RIF1: variants seen among roughly 807,000 people sequenced by gnomAD.
The protein encoded by RIF1 is telomere-associated protein RIF1.
RIF1 carries 45 observed loss-of-function variants against 247.1 expected under a neutral mutation model. The ratio of observed to expected loss-of-function variants is 0.18; its 90% CI spans 0.14 to 0.23. The LOEUF is 0.23. Among genes scored for constraint, RIF1 ranks in the 10% least tolerant of loss-of-function variants. RIF1 has a pLI of 1.00. For synonymous variants in RIF1, 1,087 were observed against 978.8 expected, an observed-to-expected ratio of 1.11 and a Z score of -2.06; for missense variants, 2,967 against 2,862.5, an observed-to-expected ratio of 1.04 and a Z score of -0.83.
chr2:151,465,838 A>G lies in RIF1; in HGVS notation c.6318A>G (p.Glu2106=). Residue 2106 remains glutamate, a synonymous_variant, in exon 30 of 36, where the codon GAA becomes GAG. Transcript: ENST00000444746. ...EKLDNNQMVM[E]SDILQEDHHT... ...TAGATAACAATCAAATGGTAATGGA[A>G]AGTGATATTTTACAGGAAGATCACC... The G allele has an allele frequency of 6.2e-7, 1 of 1,613,276 alleles. No individual in the cohort carries two copies. Among genetic ancestry groups the G allele is most frequent in the Non-Finnish European group, 8.5e-7 (1 of 1,179,192 alleles).
chr2:151,456,469 C>T lies in RIF1; in HGVS notation c.2610-109C>T, dbSNP rs972318679. 7 of 619,342 alleles carry T rather than the reference C, an allele frequency of 1.1e-5. No homozygotes were observed. In the Admixed American group the frequency reaches 1.4e-4, roughly 12 times the overall value. 38.4% of individuals were successfully genotyped at this position (619,342 alleles called of 1,614,324 possible). ...GTCTTTGGGCACCTTTTTATATCAT[C>T]AATTTATATTTATTATGTCTTTATT... On this transcript the variant is annotated intron_variant, in intron 22 of 35. Transcript: ENST00000444746.
At position 151,508,004 on chromosome 2, in the gene RIF1, C is replaced by G. The variant is rs1011425121; in HGVS notation, c.*1303C>G. On this transcript the variant is annotated 3_prime_UTR_variant and NMD_transcript_variant, in exon 14 of 14. Transcript: ENST00000454583. ...GTGCCTTACATTTAATAAAAACTTA[C>G]AAGGCTGAAGTTCTTTTGGTTCTCC... 3.1e-6 allele frequency: 5 copies of G among 1,600,420 alleles called. No individual in the cohort carries two copies. Among genetic ancestry groups the G allele is most frequent in the South Asian group, 1.1e-5 (1 of 88,946 alleles).
chr2:151,462,151 G>A (rs1559009980), intron 27 of RIF1, 91 bp from the exon 28 acceptor site: 1 of 821,856 alleles, frequency 1.2e-6, no homozygotes, highest in Non-Finnish European at 1.8e-6. Flanking sequence ...GGGATTACAG[G>A]CGTGAGCCAC....
the RIF1 span, chr2:151,514,917 C>G: frequency 1.3e-6 from 2 of 1,564,220 alleles, no homozygotes; most frequent in Non-Finnish European, 1.7e-6. Flanking sequence ...CATAATCTTT[C>G]CTATATTCTT....
chr2:151,429,355 A>G (rs1425288953), intron 9 of RIF1, among the ~76,000 whole-genome samples: 1 of 151,922 alleles, frequency 6.6e-6, no homozygotes, highest in Non-Finnish European at 1.5e-5. Context: ...TAATTTGTGC[A>G]TTTTTAGTAG....
chr2:151,444,179 A>G (rs1692833845), intron 18 of RIF1, among the ~76,000 whole-genome samples: 2 of 152,256 alleles, frequency 1.3e-5, no homozygotes, highest in South Asian at 2.1e-4. Flanking sequence ...AAAAGTGGGT[A>G]TAGTGGCAGG....
chr2:151,529,534 AT>A, the RIF1 span, among the ~76,000 whole-genome samples: 5,429 of 144,674 alleles, frequency 0.038, 139 homozygotes, highest in African/African-American at 0.075. Flanking sequence ...TTGCCATATA[AT>A]TTTTTTTTTT....
intron 12 of RIF1, chr2:151,503,505 A>C (rs2066350625): frequency 2.8e-6 from 3 of 1,077,714 alleles, no homozygotes; most frequent in Non-Finnish European, 4.3e-6. Flanking sequence ...GATAGCAGCC[A>C]CATGTGGGCT....
intron 13 of RIF1, 64 bp from the exon 14 acceptor site, chr2:151,438,620 G>T (rs1223904365): frequency 1.3e-5 from 13 of 986,998 alleles, no homozygotes; most frequent in Non-Finnish European, 2.1e-5. Flanking sequence ...AAGGGAGAGT[G>T]TTAGTCATAG....
chr2:151,503,953 T>A (rs1254668724), intron 12 of RIF1, among the ~76,000 whole-genome samples: 1 of 152,204 alleles, frequency 6.6e-6, no homozygotes, highest in Non-Finnish European at 1.5e-5. Flanking sequence ...CTTAATCAGT[T>A]TATTTTTCAG....
At chr2:151,415,702 C>T (rs912921582) in intron 4 of RIF1, among the ~76,000 whole-genome samples, 28 of 151,658 alleles carry the variant, frequency 1.8e-4, no homozygotes, top group African/African-American at 6.5e-4. Context: ...GGAGAAACCC[C>T]GTCTCTACTA....
chr2:151,506,970 G>A lies in RIF1; in HGVS notation c.*1027+595G>A, dbSNP rs34368668. On this transcript the variant is annotated intron_variant and NMD_transcript_variant, in intron 13 of 13. Coordinates refer to the RIF1 transcript ENST00000454583. ...TATTTCTGGCGTGTCTTGAACAACT[G>A]TAATTTTTCCTTTACTGTTTTTAAG... is the stretch of plus-strand genomic sequence containing the variant. The A allele has an allele frequency of 2.1e-3, 3,418 of 1,611,056 alleles. 60 individuals are homozygous for A. In the African/African-American group the frequency reaches 0.038, roughly 18 times the overall value.
intron 2 of RIF1, among the ~76,000 whole-genome samples, chr2:151,410,865 A>AGTT (rs36032930): frequency 0.63 from 95,665 of 151,638 alleles, 30,346 homozygotes; most frequent in South Asian, 0.8. Flanking sequence ...GGCTACCCAG[A>AGTT]GTTTTTTTAA....
intron 20 of RIF1, among the ~76,000 whole-genome samples, chr2:151,448,312 G>A (rs1693675000): frequency 6.6e-6 from 1 of 152,096 alleles, no homozygotes; most frequent in Non-Finnish European, 1.5e-5. Context: ...CCAAAGTGTT[G>A]GGATTACAGG....
chr2:151,469,595 T>C, intron 33 of RIF1, 116 bp from the exon 34 acceptor site: 1 of 727,866 alleles, frequency 1.4e-6, no homozygotes, highest in South Asian at 4.0e-5. Flanking sequence ...GTCTTCACTG[T>C]GGGCTAACCT....
chr2:151,448,646 A>T (rs1329075360), intron 20 of RIF1, among the ~76,000 whole-genome samples: 1 of 152,180 alleles, frequency 6.6e-6, no homozygotes, highest in African/African-American at 2.4e-5. Flanking sequence ...TTTCCAAAGG[A>T]CTTACCTAAT....
chr2:151,514,878 A>G, the RIF1 span: 1 of 1,588,880 alleles, frequency 6.3e-7, no homozygotes, highest in Non-Finnish European at 8.6e-7. Flanking sequence ...CCTCCAGGCC[A>G]GTCAGGTTTC....
chr2:151,507,032 C>T (rs1224439600), intron 13 of RIF1: 1 of 1,418,500 alleles, frequency 7.0e-7, no homozygotes, highest in Non-Finnish European at 9.9e-7. Flanking sequence ...AAAGAGTAAA[C>T]ATCTTGTTAA....
chr2:151,458,008 G>T, intron 24 of RIF1, 45 bp downstream of exon 24: 1 of 1,353,466 alleles, frequency 7.4e-7, no homozygotes. Flanking sequence ...ATTCTGTTGT[G>T]ATCATATAAA....
Sources: gnomAD v4.1 joint callset for allele counts (sites outside exome capture counted in the v4.1 genomes callset) on GRCh38, gnomAD v4.1.1 for gene constraint, MANE v1.5 for transcripts, NCBI Gene and HGNC (gene_info 2026-07-23, HGNC 2026-07-21) for gene names.